AXDND1: variants seen among roughly 807,000 people sequenced by gnomAD.
AXDND1 encodes the protein axonemal dynein light chain domain containing 1.
Under a neutral mutation model 137.5 loss-of-function variants are expected in AXDND1, and 110 were observed. The ratio of observed to expected loss-of-function variants is 0.80; its 90% confidence interval spans 0.69 to 0.94. The LOEUF (loss-of-function observed/expected upper bound fraction) is 0.94. Ranked by LOEUF, AXDND1 falls within the 40% of genes least tolerant of loss-of-function variation. The pLI, the probability that AXDND1 is intolerant of heterozygous loss-of-function variation, is 0.00. For synonymous variants in AXDND1, 414 were observed against 399.7 expected, an observed-to-expected ratio of 1.04 and a Z score of -0.43; for missense variants, 1,191 against 1,169.8, an observed-to-expected ratio of 1.02 and a Z score of -0.26.
At chr1:179,382,795 AATAC>A in intron 7 of AXDND1, 39 bp downstream of exon 7, 3 of 1,467,066 alleles carry the variant, frequency 2.0e-6, no homozygotes, top group Non-Finnish European at 2.9e-6. Context: ...TCTCAGAAAG[AATAC>A]CTATATACAT....
At chr1:179,427,254 A>G (rs188185957) in intron 12 of AXDND1, among the ~76,000 whole-genome samples, 3 of 152,354 alleles carry the variant, frequency 2.0e-5, no homozygotes, top group African/African-American at 2.4e-5. Context: ...CCAAGAGAAC[A>G]GCAAACTAAT....
chr1:179,449,979 C>G (rs1388163196), intron 16 of AXDND1: 3 of 125,072 alleles, frequency 2.4e-5, no homozygotes, highest in African/African-American at 8.8e-5. Context: ...TAGTTTCTTG[C>G]CAATCTGGAT....
chr1:179,405,375 T>TA (rs952958111), intron 11 of AXDND1, among the ~76,000 whole-genome samples: 12 of 152,226 alleles, frequency 7.9e-5, no homozygotes, highest in African/African-American at 2.4e-4. Flanking sequence ...AATGCTGCAG[T>TA]AAACATACGT....
intron 21 of AXDND1, among the ~76,000 whole-genome samples, chr1:179,523,407 T>C (rs1339699976): frequency 6.6e-6 from 1 of 152,186 alleles, no homozygotes; most frequent in Non-Finnish European, 1.5e-5. Flanking sequence ...ACACAATTCA[T>C]GTAATATGTA....
chr1:179,449,428 A>G (rs1399487600), intron 16 of AXDND1: 2 of 161,788 alleles, frequency 1.2e-5, no homozygotes, highest in African/African-American at 4.8e-5. Context: ...CTTGCTTTAA[A>G]GCAAGTTTCA....
intron 20 of AXDND1, among the ~76,000 whole-genome samples, chr1:179,503,453 A>C (rs1325119372): frequency 6.6e-6 from 1 of 152,084 alleles, no homozygotes; most frequent in African/African-American, 2.4e-5. Context: ...GCCAATTTTC[A>C]GTGAAAAATT....
At chr1:179,525,477 CT>C in intron 22 of AXDND1, 30 bp downstream of exon 22, 5 of 1,473,532 alleles carry the variant, frequency 3.4e-6, no homozygotes, top group Non-Finnish European at 4.6e-6. Context: ...GTTTTTCCTC[CT>C]ACATACATAC....
intron 25 of AXDND1, chr1:179,543,892 A>G (rs968696935): frequency 1.3e-5 from 2 of 152,620 alleles, no homozygotes; most frequent in Non-Finnish European, 2.9e-5. Context: ...TAGTAAATAT[A>G]AGATATTATT....
At chr1:179,520,180 T>C (rs184839734) in intron 21 of AXDND1, among the ~76,000 whole-genome samples, 53 of 152,286 alleles carry the variant, frequency 3.5e-4, no homozygotes, top group African/African-American at 1.1e-3. Flanking sequence ...ATTTGGCTCT[T>C]GGCTTGACTA....
At chr1:179,440,887 T>C (rs903238616) in intron 15 of AXDND1, among the ~76,000 whole-genome samples, 1 of 152,218 alleles carries the variant, frequency 6.6e-6, no homozygotes, top group Non-Finnish European at 1.5e-5. Flanking sequence ...TCTGAAGCTG[T>C]GAGCTCTAAA....
At chr1:179,538,951 CTTCT>C (rs1671824769) in intron 25 of AXDND1, among the ~76,000 whole-genome samples, 1 of 151,816 alleles carries the variant, frequency 6.6e-6, no homozygotes, top group Middle Eastern at 3.4e-3. Flanking sequence ...ATGTAATGGC[CTTCT>C]TTGTCTCTTT....
At chr1:179,496,320 G>A (rs566786503) in intron 20 of AXDND1, among the ~76,000 whole-genome samples, 113 of 152,148 alleles carry the variant, frequency 7.4e-4, no homozygotes, top group African/African-American at 2.7e-3. Context: ...GAATTCACCA[G>A]TGAAGCATCT....
Position 179,525,391 on chromosome 1 carries a change from G to A in AXDND1, c.2554G>A (p.Glu852Lys). The A allele has an allele frequency of 6.2e-7, 1 of 1,612,332 alleles. No homozygotes were observed. The highest frequency in any genetic ancestry group is 8.5e-7 in the Non-Finnish European group (1 of 1,178,962). The change falls in exon 22 of 26, where the codon GAA (glutamate) becomes AAA (lysine). Residue 852 changes from glutamate to lysine, a missense_variant. Transcript: ENST00000367618. Reference protein sequence around the residue: ...EIDESFKEDEEESKEDRKLQE... With the variant: ...EIDESFKEDEKESKEDRKLQE... Reference sequence around the variant, plus strand: ...AGACGAGTCTTTTAAAGAAGATGAAGAAGAAAGTAAGGAGGATAGGAAACT... The same window carrying A: ...AGACGAGTCTTTTAAAGAAGATGAAAAAGAAAGTAAGGAGGATAGGAAACT...
chr1:179,525,343 A>G lies in AXDND1; in HGVS notation c.2506A>G (p.Lys836Glu). Residue 836 changes from lysine to glutamate, a missense_variant, in exon 22 of 26, where the codon AAA (lysine) becomes GAA (glutamate). Coordinates refer to ENST00000367618, the MANE Select transcript of AXDND1 (RefSeq NM_144696.6). The stretch of plus-strand genomic sequence containing the variant: ...TTGGTTCATCTCACAGGAGGCTGTA[A>G]AAGAATTCATTGAGCCTGAAATAGA... ...IERLLEEEAV[K>E]EFIEPEIDES... 2.5e-6 allele frequency: 4 copies of G among 1,610,912 alleles called. No homozygotes were observed. The South Asian group carries it at 4.4e-5, about 18-fold the overall frequency.
At chr1:179,419,035 C>T (rs149578330) in intron 12 of AXDND1, among the ~76,000 whole-genome samples, 61,549 of 150,608 alleles carry the variant, frequency 0.41, 12,491 homozygotes, top group South Asian at 0.43. Flanking sequence ...CGGACAGAGA[C>T]GCTCCTCACT....
At chr1:179,367,369 G>T (rs532220012) in intron 2 of AXDND1, among the ~76,000 whole-genome samples, 7 of 152,012 alleles carry the variant, frequency 4.6e-5, no homozygotes, top group South Asian at 2.1e-4. Flanking sequence ...CAAAAATTAG[G>T]GGGGGCGTGG....
intron 15 of AXDND1, among the ~76,000 whole-genome samples, chr1:179,440,481 A>G (rs72719243): frequency 0.35 from 53,887 of 152,204 alleles, 9,698 homozygotes; most frequent in Middle Eastern, 0.44. Context: ...GCCAAACCTC[A>G]TAGGTTACAG....
chr1:179,382,319 G>T (rs143168925), intron 6 of AXDND1, among the ~76,000 whole-genome samples: 4 of 151,918 alleles, frequency 2.6e-5, no homozygotes, highest in African/African-American at 9.7e-5. Flanking sequence ...GACCTCAAGT[G>T]ATCTGCCCGC....
At chr1:179,520,645 T>C (rs1184186135) in intron 21 of AXDND1, among the ~76,000 whole-genome samples, 6 of 151,864 alleles carry the variant, frequency 4.0e-5, no homozygotes, top group African/African-American at 1.2e-4. Context: ...TAATATTAAA[T>C]TTATATATTA....
Sources: allele counts gnomAD v4.1 joint callset (sites outside exome capture counted in the v4.1 genomes callset), GRCh38; gene constraint gnomAD v4.1.1; transcripts MANE v1.5; gene names NCBI Gene and HGNC (gene_info 2026-07-23, HGNC 2026-07-21).